AGPAT5: variants seen among roughly 807,000 people sequenced by gnomAD.
AGPAT5 encodes 1-acyl-sn-glycerol-3-phosphate acyltransferase epsilon.
AGPAT5 carries 46 observed loss-of-function variants against 45.6 expected under a neutral mutation model. The ratio of observed to expected loss-of-function variants is 1.01; its 90% confidence interval spans 0.80 to 1.29. The LOEUF (loss-of-function observed/expected upper bound fraction) is 1.29, where lower values mean the gene tolerates loss of function less well. Among genes scored for constraint, AGPAT5 ranks in the 50% most tolerant of loss-of-function variants. The probability of loss-of-function intolerance (pLI) is 0.00; values close to 1 mark genes in which losing one functional copy is unlikely to be tolerated. For missense variants in AGPAT5, 673 were observed against 450.7 expected, an observed-to-expected ratio of 1.49 and a Z score of -4.47; for synonymous variants, 272 against 167.0, an observed-to-expected ratio of 1.63 and a Z score of -4.85.
chr8:6,728,590 C>T (rs1800766884), intron 2 of AGPAT5, among the ~76,000 whole-genome samples: 1 of 152,074 alleles, frequency 6.6e-6, no homozygotes, highest in East Asian at 1.9e-4. Context: ...ACCATAAAAC[C>T]ATTTGTTTTA....
chr8:6,720,678 C>T (rs959476425), intron 1 of AGPAT5, among the ~76,000 whole-genome samples: 4 of 152,162 alleles, frequency 2.6e-5, no homozygotes, highest in South Asian at 2.1e-4. Flanking sequence ...TCATCAATCA[C>T]GCAGATCCAG....
intron 1 of AGPAT5, among the ~76,000 whole-genome samples, chr8:6,715,504 A>C (rs1009089621): frequency 2.0e-5 from 3 of 152,334 alleles, no homozygotes; most frequent in Admixed American, 6.5e-5. Flanking sequence ...GTATTGTTCT[A>C]TTATGTAAAT....
At chr8:6,708,981 G>C in intron 1 of AGPAT5, 94 bp downstream of exon 1, 2 of 1,272,364 alleles carry the variant, frequency 1.6e-6, no homozygotes, top group Non-Finnish European at 2.2e-6. Context: ...GGGTCACCCG[G>C]CCGGCCCGGC....
chr8:6,744,455 G>C (rs1214108864), intron 5 of AGPAT5, among the ~76,000 whole-genome samples: 1 of 152,216 alleles, frequency 6.6e-6, no homozygotes, highest in Non-Finnish European at 1.5e-5. Flanking sequence ...TGAGAAGTCT[G>C]AAATGGGTCT....
At chr8:6,710,492 T>TA (rs1221676592) in intron 1 of AGPAT5, among the ~76,000 whole-genome samples, 1 of 152,250 alleles carries the variant, frequency 6.6e-6, no homozygotes, top group Non-Finnish European at 1.5e-5. Context: ...TGAAGTTCTT[T>TA]AGGAGTCGTA....
intron 5 of AGPAT5, 21 bp downstream of exon 5, chr8:6,741,772 T>C: frequency 2.6e-6 from 4 of 1,544,674 alleles, no homozygotes; most frequent in Non-Finnish European, 3.5e-6. Context: ...ATTTGAGTGT[T>C]TGAACAAATA....
rs1428134598 is a variant in AGPAT5, at chr8:6,759,942, T to G, written c.*2554T>G. On this transcript the variant is annotated 3_prime_UTR_variant, in exon 8 of 8. Coordinates refer to ENST00000285518, the MANE Select transcript of AGPAT5 (RefSeq NM_018361.5). ...ATCTCAGTGAAACATGTCAAATGCC[T>G]TAAATTAACTAAGTTGGTGAATAAA... Among the ~76,000 whole-genome samples the G allele has an allele frequency of 6.6e-6, 1 of 152,232 alleles. No homozygotes were observed. Among genetic ancestry groups the G allele is most frequent in the East Asian group, 1.9e-4 (1 of 5,204 alleles).
intron 1 of AGPAT5, among the ~76,000 whole-genome samples, chr8:6,721,191 G>A (rs964410671): frequency 6.6e-5 from 10 of 152,146 alleles, no homozygotes; most frequent in African/African-American, 1.9e-4. Context: ...ACTAGTTTTT[G>A]TATGCTTTAC....
chr8:6,734,612 ATTACT>A (rs1258224873), intron 4 of AGPAT5, among the ~76,000 whole-genome samples: 1 of 152,096 alleles, frequency 6.6e-6, no homozygotes, highest in Non-Finnish European at 1.5e-5. Context: ...GCAAATTTTG[ATTACT>A]TTATCTCTTC....
intron 1 of AGPAT5, among the ~76,000 whole-genome samples, chr8:6,713,525 T>C (rs1414065222): frequency 6.6e-6 from 1 of 152,174 alleles, no homozygotes; most frequent in East Asian, 1.9e-4. Flanking sequence ...TTTTGACATT[T>C]CTCTAATATG....
chr8:6,716,514 A>G (rs537199838), intron 1 of AGPAT5, among the ~76,000 whole-genome samples: 1 of 152,164 alleles, frequency 6.6e-6, no homozygotes, highest in Non-Finnish European at 1.5e-5. Context: ...CTTGGGCGAC[A>G]GAGTGAGACC....
At chr8:6,730,009 G>T (rs148707601) in intron 2 of AGPAT5, among the ~76,000 whole-genome samples, 2,166 of 152,092 alleles carry the variant, frequency 0.014, 32 homozygotes, top group Middle Eastern at 0.02. Context: ...CTTGCCTTTT[G>T]CTGAACATAT....
At chr8:6,710,289 T>G (rs568130823) in intron 1 of AGPAT5, among the ~76,000 whole-genome samples, 31 of 152,344 alleles carry the variant, frequency 2.0e-4, no homozygotes, top group Non-Finnish European at 2.2e-4. Context: ...ATACCTTACC[T>G]GATGTTCAGA....
chr8:6,751,918 C>T (rs958083476), intron 6 of AGPAT5, among the ~76,000 whole-genome samples: 4 of 152,100 alleles, frequency 2.6e-5, no homozygotes, highest in Admixed American at 1.3e-4. Flanking sequence ...GTGGCTCACG[C>T]GTGTAATCCC....
intron 1 of AGPAT5, among the ~76,000 whole-genome samples, chr8:6,716,411 A>G (rs1282058310): frequency 2.6e-5 from 4 of 152,014 alleles, no homozygotes; most frequent in African/African-American, 9.7e-5. Flanking sequence ...AAATACAAAC[A>G]CTTACTGGGC....
intron 2 of AGPAT5, among the ~76,000 whole-genome samples, chr8:6,728,084 C>T (rs947584115): frequency 6.6e-6 from 1 of 152,168 alleles, no homozygotes; most frequent in African/African-American, 2.4e-5. Flanking sequence ...ACACAGGGCC[C>T]TCATGAATTA....
chr8:6,755,302 T>A (rs60834832), intron 7 of AGPAT5, 128 bp downstream of exon 7: 10,580 of 1,042,206 alleles, frequency 0.01, 245 homozygotes, highest in African/African-American at 0.07. Flanking sequence ...CAAATCAAAT[T>A]TTATGCATGT....
At chr8:6,730,871 A>ATTTTTT in intron 3 of AGPAT5, 45 bp downstream of exon 3, 8 of 935,896 alleles carry the variant, frequency 8.5e-6, no homozygotes, top group Admixed American at 3.0e-5. Flanking sequence ...TAGTTTATAA[A>ATTTTTT]TTTTTTTTTT....
At chr8:6,748,300 A>G (rs558002574) in intron 6 of AGPAT5, among the ~76,000 whole-genome samples, 20 of 152,112 alleles carry the variant, frequency 1.3e-4, no homozygotes, top group Admixed American at 5.9e-4. Context: ...CCTTTGAGCT[A>G]TTGTCAGATA....
Sources: gnomAD v4.1 joint callset for allele counts (sites outside exome capture counted in the v4.1 genomes callset) on GRCh38, gnomAD v4.1.1 for gene constraint, MANE v1.5 for transcripts, NCBI Gene and HGNC (gene_info 2026-07-23, HGNC 2026-07-21) for gene names.